The following FAM151B variants were observed in gnomAD, a reference collection of about 807,000 sequenced individuals.
The protein encoded by FAM151B is protein FAM151B.
Under a neutral mutation model 31.2 loss-of-function variants are expected in FAM151B, and 24 were observed. That is an observed-to-expected ratio of 0.77 (90% CI 0.56 to 1.08). The LOEUF (loss-of-function observed/expected upper bound fraction) is 1.08. FAM151B is among the 50% of genes least tolerant of loss of function. FAM151B has a pLI of 0.00. For missense variants in FAM151B, 293 were observed against 328.6 expected (o/e 0.89, Z 0.84); for synonymous variants, 105 against 111.4 (o/e 0.94, Z 0.36).
At chr5:80,532,716 A>G (rs929290769) in intron 5 of FAM151B, among the ~76,000 whole-genome samples, 1 of 152,218 alleles carries the variant, frequency 6.6e-6, no homozygotes, top group African/African-American at 2.4e-5. Flanking sequence ...TTCTCAACAC[A>G]TGGATCATTC....
At chr5:80,538,446 T>TTCTTTCTC (rs1745658825) in intron 5 of FAM151B, among the ~76,000 whole-genome samples, 7 of 48,482 alleles carry the variant, frequency 1.4e-4, no homozygotes, top group South Asian at 8.0e-4. Context: ...CTTTCTTTCT[T>TTCTTTCTC]TCTCTTTCTT....
rs1561383763 is a variant in FAM151B at position 80,538,470 on chromosome 5, C to CTCTTTCTTTG, written c.672-3202_672-3201insCTTTCTTTGT. Among the ~76,000 whole-genome samples, 55 of 123,548 alleles carry CTCTTTCTTTG rather than the reference C, an allele frequency of 4.5e-4. 2 individuals carry two copies. The highest frequency in any genetic ancestry group is 1.7e-3 in the African/African-American group (51 of 30,016). 81.1% of individuals were successfully genotyped at this position (123,548 alleles called of 152,430 possible). A position where few individuals can be genotyped will look rare whatever the true frequency, so the allele number is the denominator to read the frequency against. Reference sequence around the variant, plus strand: ...TTTCTCTTTCTTTCTTTCTTTCTTTCTTTCTTTCTTTCTTTCCTTCCTTCC... The same window carrying CTCTTTCTTTG: ...TTTCTCTTTCTTTCTTTCTTTCTTTCTCTTTCTTTGTTTCTTTCTTTCTTTCCTTCCTTCC... On this transcript the variant is annotated intron_variant, in intron 5 of 5. Transcript: ENST00000282226.
intron 1 of FAM151B, chr5:80,499,907 C>A (rs2112603914): frequency 6.6e-6 from 1 of 150,810 alleles, no homozygotes; most frequent in African/African-American, 2.4e-5. Context: ...CGGGCACATA[C>A]CCAAAGGAAA....
intron 5 of FAM151B, among the ~76,000 whole-genome samples, chr5:80,525,117 A>G (rs1054625968): frequency 6.6e-6 from 1 of 152,212 alleles, no homozygotes; most frequent in African/African-American, 2.4e-5. Flanking sequence ...CTCTGGTGTC[A>G]AGTACCACCT....
At chr5:80,517,907 A>G (rs1302380001) in intron 3 of FAM151B, among the ~76,000 whole-genome samples, 1 of 151,950 alleles carries the variant, frequency 6.6e-6, no homozygotes, top group African/African-American at 2.4e-5. Context: ...CCCCATCTCT[A>G]CTGAAAATAC....
intron 2 of FAM151B, among the ~76,000 whole-genome samples, chr5:80,509,035 G>A (rs891694541): frequency 9.9e-5 from 15 of 152,006 alleles, no homozygotes; most frequent in East Asian, 5.8e-4. Flanking sequence ...GTGCAGTGAC[G>A]CAATCACAGC....
chr5:80,531,681 A>G lies in FAM151B; in HGVS notation c.671+9543A>G, dbSNP rs184878460. Among the ~76,000 whole-genome samples, 437 of 152,318 alleles carry G rather than the reference A, an allele frequency of 2.9e-3. 3 individuals are homozygous for G. Among genetic ancestry groups the G allele is most frequent in the Non-Finnish European group, 4.2e-3 (284 of 68,018 alleles). On this transcript the variant is annotated intron_variant, in intron 5 of 5. Coordinates refer to ENST00000282226, the MANE Select transcript of FAM151B (RefSeq NM_205548.3). Reference sequence around the variant, plus strand: ...ATCAGAGAATGCACATCAAAACCACAATGAGAAACCGTCTCACATCAGTTA... The same window carrying G: ...ATCAGAGAATGCACATCAAAACCACGATGAGAAACCGTCTCACATCAGTTA...
chr5:80,497,162 A>C (rs1743578291), intron 1 of FAM151B, among the ~76,000 whole-genome samples: 1 of 151,960 alleles, frequency 6.6e-6, no homozygotes, highest in South Asian at 2.1e-4. Context: ...ACGGTGGCTC[A>C]CGCCTATAAT....
chr5:80,497,889 A>G (rs560366000), intron 1 of FAM151B, among the ~76,000 whole-genome samples: 2 of 152,256 alleles, frequency 1.3e-5, no homozygotes, highest in East Asian at 3.9e-4. Flanking sequence ...ACATGTATAC[A>G]TATGTAACAA....
At chr5:80,500,222 C>A in intron 1 of FAM151B, 3 of 526,516 alleles carry the variant, frequency 5.7e-6, no homozygotes, top group East Asian at 3.1e-5. Context: ...AAATAGATGA[C>A]AAAACAATGG....
At chr5:80,529,026 T>C (rs1745103768) in intron 5 of FAM151B, among the ~76,000 whole-genome samples, 1 of 152,160 alleles carries the variant, frequency 6.6e-6, no homozygotes, top group South Asian at 2.1e-4. Context: ...ACAGAAATTA[T>C]AACAAACTGT....
chr5:80,513,499 C>A, intron 2 of FAM151B, 105 bp from the exon 3 acceptor site: 2 of 1,158,344 alleles, frequency 1.7e-6, no homozygotes, highest in Non-Finnish European at 2.4e-6. Context: ...TGTTACTTTT[C>A]TTTCCTTTTT....
intron 3 of FAM151B, among the ~76,000 whole-genome samples, chr5:80,516,249 G>A (rs1037792296): frequency 2.0e-5 from 3 of 152,056 alleles, no homozygotes; most frequent in African/African-American, 4.8e-5. Flanking sequence ...ACTTGGACCC[G>A]GGAAGCGGAG....
intron 5 of FAM151B, among the ~76,000 whole-genome samples, chr5:80,531,106 T>C (rs1745223798): frequency 6.6e-6 from 1 of 152,132 alleles, no homozygotes; most frequent in African/African-American, 2.4e-5. Context: ...ATCTGATCTT[T>C]GACAAACCTG....
At chr5:80,498,667 C>G in intron 1 of FAM151B, 2 of 663,382 alleles carry the variant, frequency 3.0e-6, no homozygotes, top group South Asian at 1.4e-5. Flanking sequence ...TTGCCATTCT[C>G]TTCCACCTTA....
At chr5:80,488,246 C>T (rs939498829) in intron 1 of FAM151B, 98 bp downstream of exon 1, 7 of 1,414,732 alleles carry the variant, frequency 4.9e-6, no homozygotes, top group Admixed American at 4.8e-5. Flanking sequence ...GTCTTCCTTG[C>T]TAGGGACCTG....
intron 2 of FAM151B, among the ~76,000 whole-genome samples, chr5:80,504,815 A>T (rs1256255377): frequency 6.6e-6 from 1 of 151,874 alleles, no homozygotes; most frequent in Admixed American, 6.6e-5. Flanking sequence ...TAAATGAAAG[A>T]TTCCAAGCTT....
At chr5:80,526,679 C>T (rs1744989167) in intron 5 of FAM151B, among the ~76,000 whole-genome samples, 1 of 152,044 alleles carries the variant, frequency 6.6e-6, no homozygotes, top group African/African-American at 2.4e-5. Flanking sequence ...AATTTATTCT[C>T]TTCAAATAAT....
Position 80,488,154 on chromosome 5 carries a change from C to A in FAM151B, c.25+6C>A, listed in dbSNP as rs1219073226. The stretch of plus-strand genomic sequence containing the variant: ...AGCATCCGCTGGAGGCCCAGGTAAG[C>A]GCCGAGCGCGCGGCCTCTGCCTGGA... On this transcript the variant is annotated splice_donor_region_variant and intron_variant, in intron 1 of 5. Transcript: ENST00000282226. The A allele has an allele frequency of 3.2e-6, 5 of 1,541,230 alleles. No homozygotes were observed. In the African/African-American group the frequency reaches 6.9e-5, roughly 21 times the overall value.
Sources: allele counts gnomAD v4.1 joint callset (sites outside exome capture counted in the v4.1 genomes callset), GRCh38; gene constraint gnomAD v4.1.1; transcripts MANE v1.5; gene names NCBI Gene and HGNC (gene_info 2026-07-23, HGNC 2026-07-21).